The following CNNM2 variants were observed in gnomAD, a reference collection of about 807,000 sequenced individuals.
The protein encoded by CNNM2 is metal transporter CNNM2.
A neutral mutation model predicts 66.9 loss-of-function variants in CNNM2; 12 were observed. That is an observed-to-expected ratio of 0.18 (90% confidence interval 0.11 to 0.29). The LOEUF (loss-of-function observed/expected upper bound fraction) is 0.29. Ranked by LOEUF, CNNM2 falls within the 10% of genes least tolerant of loss-of-function variation. The pLI is 1.00. For missense variants in CNNM2, 705 were observed against 1,167.7 expected (o/e 0.60, Z 5.77); for synonymous variants, 557 against 501.8 (o/e 1.11, Z -1.47).
At chr10:102,929,324 A>G (rs1324153713) in intron 1 of CNNM2, among the ~76,000 whole-genome samples, 1 of 152,078 alleles carries the variant, frequency 6.6e-6, no homozygotes, top group Non-Finnish European at 1.5e-5. Flanking sequence ...CCAGCACTTT[A>G]GGAAGCTTTT....
intron 1 of CNNM2, among the ~76,000 whole-genome samples, chr10:102,982,761 G>T (rs1413192103): frequency 4.6e-5 from 7 of 152,172 alleles, no homozygotes; most frequent in Admixed American, 3.3e-4. Flanking sequence ...ATTGGATGAC[G>T]ATACTCATTG....
chr10:103,020,447 T>A (rs535665795), intron 1 of CNNM2, among the ~76,000 whole-genome samples: 1 of 152,278 alleles, frequency 6.6e-6, no homozygotes, highest in South Asian at 2.1e-4. Context: ...TGAGCACTTT[T>A]GAATTCTTGT....
intron 4 of CNNM2, among the ~76,000 whole-genome samples, chr10:103,057,843 C>A (rs945150665): frequency 1.3e-5 from 2 of 152,182 alleles, no homozygotes; most frequent in Non-Finnish European, 2.9e-5. Flanking sequence ...TAACATAATT[C>A]AGTAGATGAG....
At chr10:103,038,421 C>G (rs751765341) in intron 1 of CNNM2, among the ~76,000 whole-genome samples, 5 of 152,270 alleles carry the variant, frequency 3.3e-5, no homozygotes, top group Admixed American at 6.5e-5. Context: ...CTTTGCTTCT[C>G]CTGGTTTTAA....
intron 1 of CNNM2, among the ~76,000 whole-genome samples, chr10:102,944,299 G>A (rs1248812363): frequency 1.3e-5 from 2 of 151,880 alleles, no homozygotes; most frequent in Admixed American, 6.6e-5. Flanking sequence ...GGCTGGCCTC[G>A]AACTCCTGAA....
chr10:103,070,596 C>T (rs2065562114), intron 5 of CNNM2, among the ~76,000 whole-genome samples: 1 of 152,108 alleles, frequency 6.6e-6, no homozygotes, highest in Admixed American at 6.5e-5. Flanking sequence ...GTTCCTGAAA[C>T]ATAAATACCA....
At chr10:102,955,809 T>A (rs1847012933) in intron 1 of CNNM2, among the ~76,000 whole-genome samples, 1 of 152,122 alleles carries the variant, frequency 6.6e-6, no homozygotes, top group African/African-American at 2.4e-5. Flanking sequence ...GAAATGCAAA[T>A]CAAAACCACA....
intron 1 of CNNM2, among the ~76,000 whole-genome samples, chr10:102,943,242 C>T (rs12772775): frequency 6.6e-6 from 1 of 151,060 alleles, no homozygotes; most frequent in Non-Finnish European, 1.5e-5. Context: ...CAAACAAAAA[C>T]CAAAAAAACC....
At chr10:102,997,905 A>G (rs984609916) in intron 1 of CNNM2, among the ~76,000 whole-genome samples, 2 of 152,202 alleles carry the variant, frequency 1.3e-5, no homozygotes, top group Admixed American at 6.5e-5. Context: ...GTAAAAGAAT[A>G]TACTGACATT....
rs891204619 is a variant in CNNM2, at chr10:103,086,877, A to G, written c.*9697A>G. ...CCATCAGAGTTTTCACTGACTATCT[A>G]TCTTTGCAGAGATGAATGAATGTAC... is the stretch of plus-strand genomic sequence containing the variant. On this transcript the variant is annotated 3_prime_UTR_variant, in exon 8 of 8. Transcript: ENST00000369878. 1.3e-5 allele frequency: 2 copies of G among 152,134 alleles called. No individual in the cohort carries two copies. Among genetic ancestry groups the G allele is most frequent in the Non-Finnish European group, 2.9e-5 (2 of 68,006 alleles). The allele number at this position is 152,134 out of a possible 1,614,324, so 9.4% of individuals were successfully genotyped here. A position where few individuals can be genotyped will look rare whatever the true frequency, so the allele number is the denominator to read the frequency against.
intron 1 of CNNM2, among the ~76,000 whole-genome samples, chr10:102,985,922 GT>G (rs1322472499): frequency 6.6e-6 from 1 of 152,168 alleles, no homozygotes; most frequent in Non-Finnish European, 1.5e-5. Context: ...AGACCCACAA[GT>G]TTTTTAAATA....
rs2134364567 is a variant in CNNM2 at position 103,071,765 on chromosome 10, A to G, written c.2168-9A>G. 2 of 1,613,090 alleles carry G rather than the reference A, an allele frequency of 1.2e-6. No homozygotes were observed. The highest frequency in any genetic ancestry group is 2.2e-5 in the East Asian group (1 of 44,846). On this transcript the variant is annotated splice_polypyrimidine_tract_variant and intron_variant, in intron 5 of 7. Transcript: ENST00000369878. ...ATGCGATCTCACCCTGTTTTTCTCCATTTTTCAGTTCCTTTGTCCCTGTCT... is the reference window on the plus strand; with the variant it reads ...ATGCGATCTCACCCTGTTTTTCTCCGTTTTTCAGTTCCTTTGTCCCTGTCT...
At position 103,087,901 on chromosome 10, in the gene CNNM2, CT is replaced by C. The variant is rs2065877097; in HGVS notation, c.*10722del. The C allele has an allele frequency of 6.6e-6, 1 of 152,218 alleles. No individual in the cohort carries two copies. Among genetic ancestry groups the C allele is most frequent in the Non-Finnish European group, 1.5e-5 (1 of 68,032 alleles). 9.4% of individuals were successfully genotyped at this position (152,218 alleles called of 1,614,324 possible). A position where few individuals can be genotyped will look rare whatever the true frequency, so the allele number is the denominator to read the frequency against. On this transcript the variant is annotated 3_prime_UTR_variant, in exon 8 of 8. Coordinates refer to ENST00000369878, the MANE Select transcript of CNNM2 (RefSeq NM_017649.5). ...AGTGAGACAGACAGTATATCCTTGA[CT>C]AAGTTATCAGGCTGTGTTCTCTGCT...
In CNNM2 at chr10:103,057,711, C is replaced by T. The variant is rs11191536; in HGVS notation, c.2073+747C>T. ...GATATCTTAGCATCTCTTCCATTAA[C>T]GCCATCAAAATAATCCATTTGTTGT... On this transcript the variant is annotated intron_variant, in intron 4 of 7. Transcript: ENST00000369878. Among the ~76,000 whole-genome samples the T allele has an allele frequency of 2.5e-4, 38 of 152,270 alleles. 1 individual carries two copies. The East Asian group carries it at 5.8e-3, about 23-fold the overall frequency.
chr10:103,068,514 G>C (rs527981510), intron 4 of CNNM2, 115 bp from the exon 5 acceptor site: 14 of 833,150 alleles, frequency 1.7e-5, no homozygotes, highest in Non-Finnish European at 2.6e-5. Flanking sequence ...TTACTCCCTC[G>C]ATAGTGTTGG....
rs114282477 is a variant in CNNM2 at position 103,022,686 on chromosome 10, A to G, written c.1622-27021A>G. ...CCTTAGTTGATTCATGTATTAGTCCATTTGCATTGCTGTAAAGGAGTACCT... is the reference window on the plus strand; with the variant it reads ...CCTTAGTTGATTCATGTATTAGTCCGTTTGCATTGCTGTAAAGGAGTACCT... On this transcript the variant is annotated intron_variant, in intron 1 of 7. Transcript: ENST00000369878. Among the ~76,000 whole-genome samples the G allele has an allele frequency of 0.012, 1,788 of 152,244 alleles. 34 individuals are homozygous for G. The highest frequency in any genetic ancestry group is 0.04 in the African/African-American group (1,666 of 41,542).
chr10:102,972,530 G>A (rs1368773181), intron 1 of CNNM2, among the ~76,000 whole-genome samples: 4 of 152,154 alleles, frequency 2.6e-5, no homozygotes, highest in African/African-American at 7.2e-5. Context: ...CCAGCTACTC[G>A]GGAGGCTGAG....
chr10:102,979,055 T>C (rs2063681517), intron 1 of CNNM2, among the ~76,000 whole-genome samples: 1 of 152,210 alleles, frequency 6.6e-6, no homozygotes, highest in South Asian at 2.1e-4. Context: ...AGTTCCCGGC[T>C]TTAGGCTATT....
At position 102,919,524 on chromosome 10, in the gene CNNM2, C is replaced by T; in HGVS notation, c.1044C>T (p.Ser348=). 1.9e-6 allele frequency: 3 copies of T among 1,613,222 alleles called. No individual in the cohort carries two copies. Among genetic ancestry groups the T allele is most frequent in the Non-Finnish European group, 2.5e-6 (3 of 1,180,040 alleles). The change falls in exon 1 of 8, where the codon TCC becomes TCT. Residue 348 remains serine (S), a synonymous_variant. Transcript: ENST00000369878. ...AGSGLVAVVV[S]TIGIVIFGEI... ...CGGGCCTCGTGGCCGTGGTAGTCTCCACCATCGGTATCGTCATCTTCGGAG... is the reference window on the plus strand; with the variant it reads ...CGGGCCTCGTGGCCGTGGTAGTCTCTACCATCGGTATCGTCATCTTCGGAG...
Sources: allele counts gnomAD v4.1 joint callset (sites outside exome capture counted in the v4.1 genomes callset), GRCh38; gene constraint gnomAD v4.1.1; transcripts MANE v1.5; gene names NCBI Gene and HGNC (gene_info 2026-07-23, HGNC 2026-07-21).